UMAD1: variants seen among roughly 807,000 people sequenced by gnomAD.
The protein encoded by UMAD1 is UBAP1-MVB12-associated (UMA) domain containing 1, also known as UBAP1-MVB12-associated (UMA)-domain containing protein 1.
UMAD1 carries 8 observed loss-of-function variants against 6.1 expected under a neutral mutation model. The observed-to-expected ratio is 1.30, with a 90% CI of 0.76 to 2.35. The LOEUF (loss-of-function observed/expected upper bound fraction) is 2.35. UMAD1 is among the 30% of genes most tolerant of loss of function. UMAD1 has a pLI of 0.00. For missense variants in UMAD1, 130 were observed against 78.4 expected, an observed-to-expected ratio of 1.66 and a Z score of -2.49; for synonymous variants, 56 against 31.4, an observed-to-expected ratio of 1.78 and a Z score of -2.61.
chr7:7,777,686 G>A (rs1462276571), intron 2 of UMAD1, among the ~76,000 whole-genome samples: 1 of 150,542 alleles, frequency 6.6e-6, no homozygotes, highest in African/African-American at 2.5e-5. Context: ...GTTCACATAT[G>A]TAATTCTTTG....
chr7:7,817,939 G>T (rs1176078655), intron 3 of UMAD1, among the ~76,000 whole-genome samples: 1 of 151,956 alleles, frequency 6.6e-6, no homozygotes, highest in Non-Finnish European at 1.5e-5. Flanking sequence ...TCAGCCTCTC[G>T]AGTCACTGGG....
intron 3 of UMAD1, among the ~76,000 whole-genome samples, chr7:7,837,860 G>A (rs904886821): frequency 1.3e-5 from 2 of 152,100 alleles, no homozygotes; most frequent in South Asian, 2.1e-4. Flanking sequence ...ATAAGGGTAC[G>A]TAAAGGTTTT....
rs28912738 is a variant in UMAD1, at chr7:7,686,858, A to G, written c.82+13405A>G. ...TGCAGATTCTAGGAAATCTTTTAAAAACACACTGCTGTGTACCTTCCTTAC... is the reference window on the plus strand; with the variant it reads ...TGCAGATTCTAGGAAATCTTTTAAAGACACACTGCTGTGTACCTTCCTTAC... On this transcript the variant is annotated intron_variant, in intron 2 of 3. Transcript: ENST00000682710. Among the ~76,000 whole-genome samples the G allele has an allele frequency of 1.2e-4, 18 of 152,236 alleles. No homozygotes were observed. In the East Asian group the frequency reaches 3.3e-3, roughly 28 times the overall value.
intron 2 of UMAD1, among the ~76,000 whole-genome samples, chr7:7,760,653 G>C (rs1397370527): frequency 6.6e-6 from 1 of 151,966 alleles, no homozygotes; most frequent in Non-Finnish European, 1.5e-5. Flanking sequence ...TCAAGGCAGA[G>C]GAAATGACAT....
intron 1 of UMAD1, among the ~76,000 whole-genome samples, chr7:7,662,559 C>G (rs1269708651): frequency 2.6e-5 from 4 of 152,192 alleles, no homozygotes; most frequent in African/African-American, 4.8e-5. Context: ...CTTCCCTTGG[C>G]TAGGGGAGGG....
At chr7:7,717,198 C>A (rs1262221021) in intron 2 of UMAD1, among the ~76,000 whole-genome samples, 1 of 151,808 alleles carries the variant, frequency 6.6e-6, no homozygotes, top group Non-Finnish European at 1.5e-5. Context: ...CTGGGACTAC[C>A]GGTATGCGCC....
chr7:7,786,357 G>T (rs1782460465), intron 2 of UMAD1, among the ~76,000 whole-genome samples: 1 of 152,150 alleles, frequency 6.6e-6, no homozygotes. Flanking sequence ...TTAGATGCAG[G>T]TTATGATTCA....
intron 3 of UMAD1, among the ~76,000 whole-genome samples, chr7:7,802,183 T>C (rs986530581): frequency 1.3e-5 from 2 of 151,944 alleles, no homozygotes; most frequent in African/African-American, 2.4e-5. Flanking sequence ...ATCAAGACCA[T>C]CCTGGCCAAC....
At chr7:7,865,314 A>G (rs917174201) in intron 3 of UMAD1, among the ~76,000 whole-genome samples, 2 of 152,172 alleles carry the variant, frequency 1.3e-5, no homozygotes, top group Non-Finnish European at 2.9e-5. Flanking sequence ...TAGCGTTGGA[A>G]TTGAATTGAA....
intron 2 of UMAD1, among the ~76,000 whole-genome samples, chr7:7,778,259 TGTGTGTGTGTGTGTGTGAGA>T (rs1434151962): frequency 3.6e-5 from 5 of 140,710 alleles, no homozygotes; most frequent in South Asian, 2.4e-4. Context: ...TGTGTGTGTG[TGTGTGTGTGTGTGTGTGAGA>T]GAGAGAGAGA....
intron 3 of UMAD1, among the ~76,000 whole-genome samples, chr7:7,837,156 A>G (rs929908859): frequency 2.0e-5 from 3 of 152,132 alleles, no homozygotes; most frequent in Admixed American, 6.5e-5. Flanking sequence ...AAGGCAGTCA[A>G]ATAATATCTT....
intron 2 of UMAD1, among the ~76,000 whole-genome samples, chr7:7,681,380 C>A (rs987374358): frequency 1.3e-5 from 2 of 152,082 alleles, no homozygotes; most frequent in Non-Finnish European, 2.9e-5. Flanking sequence ...AGAGTCTAGA[C>A]ACTTGTTTTG....
At chr7:7,715,667 A>G (rs1417904433) in intron 2 of UMAD1, among the ~76,000 whole-genome samples, 3 of 152,196 alleles carry the variant, frequency 2.0e-5, no homozygotes, top group Admixed American at 2.0e-4. Flanking sequence ...ACAAATTTCC[A>G]GAAAAAAATG....
At chr7:7,827,908 T>C (rs976903129) in intron 3 of UMAD1, among the ~76,000 whole-genome samples, 1 of 152,220 alleles carries the variant, frequency 6.6e-6, no homozygotes, top group Non-Finnish European at 1.5e-5. Flanking sequence ...CCTCTTCTTA[T>C]AGGTTGTTCA....
intron 2 of UMAD1, among the ~76,000 whole-genome samples, chr7:7,728,314 G>A (rs919511344): frequency 2.0e-5 from 3 of 152,182 alleles, no homozygotes; most frequent in Admixed American, 2.0e-4. Context: ...TAATCTCTTT[G>A]AGTGTTCAGT....
At chr7:7,848,721 C>T (rs1258906277) in intron 3 of UMAD1, among the ~76,000 whole-genome samples, 1 of 151,984 alleles carries the variant, frequency 6.6e-6, no homozygotes, top group Admixed American at 6.6e-5. Context: ...AATTATTATT[C>T]AGTCATCAAA....
chr7:7,741,614 T>TAATAATAAA (rs1563169873), intron 2 of UMAD1, among the ~76,000 whole-genome samples: 1 of 147,104 alleles, frequency 6.8e-6, no homozygotes, highest in Non-Finnish European at 1.5e-5. Context: ...ATAATAATAA[T>TAATAATAAA]AAAAATAATA....
intron 2 of UMAD1, chr7:7,739,046 C>G (rs756588345): frequency 2.6e-5 from 4 of 152,146 alleles, no homozygotes; most frequent in Non-Finnish European, 5.9e-5. Context: ...CTTTTCAGCA[C>G]CATTATTCAG....
chr7:7,665,595 T>G (rs1384411920), intron 1 of UMAD1, among the ~76,000 whole-genome samples: 3 of 152,216 alleles, frequency 2.0e-5, no homozygotes, highest in Non-Finnish European at 4.4e-5. Context: ...GTGCTTATAC[T>G]GCTGAAACAG....
Sources: allele counts gnomAD v4.1 joint callset (sites outside exome capture counted in the v4.1 genomes callset), GRCh38; gene constraint gnomAD v4.1.1; transcripts MANE v1.5; gene names NCBI Gene and HGNC (gene_info 2026-07-23, HGNC 2026-07-21).